Variants in GLI3 observed in about 807,000 individuals in gnomAD.
GLI3 encodes the protein GLI family zinc finger 3.
GLI3 carries 20 observed loss-of-function variants against 100.8 expected under a neutral mutation model. The ratio of observed to expected loss-of-function variants is 0.20; its 90% CI spans 0.14 to 0.29. The LOEUF (loss-of-function observed/expected upper bound fraction) is 0.29, where lower values mean the gene tolerates loss of function less well. Among genes scored for constraint, GLI3 ranks in the 10% least tolerant of loss-of-function variants. GLI3 has a pLI of 1.00. For synonymous variants in GLI3, 938 were observed against 860.5 expected (o/e 1.09, Z -1.58); for missense variants, 2,040 against 2,128.5 (o/e 0.96, Z 0.82).
chr7:42,063,962 T>C (rs1045217875), intron 4 of GLI3, among the ~76,000 whole-genome samples: 1 of 152,214 alleles, frequency 6.6e-6, no homozygotes, highest in African/African-American at 2.4e-5. Context: ...TTATTGAGGC[T>C]TTTAATAGAA....
chr7:42,182,683 C>CATGTGTGTGTATATATATATATATATAT (rs1562775922), intron 2 of GLI3, among the ~76,000 whole-genome samples: 2,049 of 54,658 alleles, frequency 0.037, 88 homozygotes, highest in South Asian at 0.046. Context: ...TATATATATA[C>CATGTGTGTGTATATATATATATATATAT]ACATGTGTGT....
rs73688616 is a variant in GLI3, at chr7:42,006,610, A to G, written c.1497+16858T>C. Among the ~76,000 whole-genome samples, 833 of 152,328 alleles carry G rather than the reference A, an allele frequency of 5.5e-3. 11 individuals carry two copies. The highest frequency in any genetic ancestry group is 0.018 in the African/African-American group (767 of 41,576). On this transcript the variant is annotated intron_variant, in intron 10 of 14. Coordinates refer to ENST00000395925, the MANE Select transcript of GLI3 (RefSeq NM_000168.6). ...GATATCCTATCAGGGGACAGGCCCA[A>G]AAGGCTCTGACAAGGACTACAACTC...
At chr7:42,005,747 T>A (rs1788443124) in intron 10 of GLI3, among the ~76,000 whole-genome samples, 1 of 152,200 alleles carries the variant, frequency 6.6e-6, no homozygotes, top group Non-Finnish European at 1.5e-5. Flanking sequence ...ATTATTTTAC[T>A]ATCTCTCTAA....
chr7:41,994,823 C>T (rs1431423717), intron 10 of GLI3, among the ~76,000 whole-genome samples: 5 of 152,162 alleles, frequency 3.3e-5, no homozygotes, highest in African/African-American at 1.2e-4. Context: ...GTGTATATTG[C>T]ATAATCATTC....
chr7:42,258,118 G>C (rs1401467930), intron 1 of GLI3, among the ~76,000 whole-genome samples: 1 of 152,164 alleles, frequency 6.6e-6, no homozygotes, highest in East Asian at 1.9e-4. Context: ...TGTGATTAAT[G>C]TGCGTCTCTC....
chr7:42,204,953 C>G (rs1788119774), intron 2 of GLI3, among the ~76,000 whole-genome samples: 1 of 152,104 alleles, frequency 6.6e-6, no homozygotes, highest in South Asian at 2.1e-4. Context: ...AAAGGCCAAC[C>G]AAACGCTGCA....
chr7:42,078,100 T>C (rs990434626), intron 3 of GLI3, among the ~76,000 whole-genome samples: 6 of 152,184 alleles, frequency 3.9e-5, no homozygotes, highest in African/African-American at 1.4e-4. Context: ...CAGGTTCTGA[T>C]CGACCACCTA....
chr7:42,263,370 G>A (rs1040610954), intron 1 of GLI3, among the ~76,000 whole-genome samples: 45 of 152,192 alleles, frequency 3.0e-4, no homozygotes, highest in African/African-American at 9.9e-4. Flanking sequence ...AGGGTTGAAA[G>A]ACACTGTGGG....
At chr7:41,999,219 A>G (rs1003551676) in intron 10 of GLI3, among the ~76,000 whole-genome samples, 4 of 152,276 alleles carry the variant, frequency 2.6e-5, no homozygotes, top group Middle Eastern at 6.8e-3. Context: ...AACATGGGGG[A>G]AAAATGAAAG....
chr7:42,166,650 CTTTTTTTTTTTTTTT>C (rs1203814510), intron 2 of GLI3, among the ~76,000 whole-genome samples: 1 of 80,246 alleles, frequency 1.2e-5, no homozygotes, highest in Non-Finnish European at 2.2e-5. Context: ...GTTCTGATTC[CTTTTTTTTTTTTTTT>C]TTTTTTTTTT....
At chr7:42,193,874 T>G (rs2128689466) in intron 2 of GLI3, among the ~76,000 whole-genome samples, 1 of 152,310 alleles carries the variant, frequency 6.6e-6, no homozygotes, top group Admixed American at 6.5e-5. Flanking sequence ...TAAGGAATGT[T>G]AGCATGTTCC....
Position 42,172,659 on chromosome 7 carries a change from C to T in GLI3, c.125-24191G>A, listed in dbSNP as rs73327534. 2.1e-3 allele frequency: 1,471 copies of T among 702,632 alleles called. 11 individuals carry two copies. In the African/African-American group the frequency reaches 0.022, roughly 10 times the overall value. 43.5% of individuals were successfully genotyped at this position (702,632 alleles called of 1,614,324 possible). A position where few individuals can be genotyped will look rare whatever the true frequency, so the allele number is the denominator to read the frequency against. ...GATGCATCCAATCCTCCTGGTCCAG[C>T]CTCTGGCCTGGGCCTCCAAATGGTT... On this transcript the variant is annotated intron_variant, in intron 2 of 14. Coordinates refer to ENST00000395925, the MANE Select transcript of GLI3 (RefSeq NM_000168.6).
At chr7:42,256,618 T>TG (rs1789087668) in intron 1 of GLI3, among the ~76,000 whole-genome samples, 6 of 152,326 alleles carry the variant, frequency 3.9e-5, no homozygotes, top group Non-Finnish European at 8.8e-5. Flanking sequence ...TTCTGGACTA[T>TG]CAAGTGTATT....
At chr7:42,237,337 T>C (rs767077209), upstream of GLI3, among the ~76,000 whole-genome samples, 8 of 151,954 alleles carry the variant, frequency 5.3e-5, no homozygotes, top group Non-Finnish European at 1.0e-4. Context: ...CTGATTTGGT[T>C]CAACCGCGGG....
At chr7:42,085,935 T>C (rs147139172) in intron 3 of GLI3, among the ~76,000 whole-genome samples, 2 of 152,312 alleles carry the variant, frequency 1.3e-5, no homozygotes, top group East Asian at 1.9e-4. Flanking sequence ...GGCAACTTTG[T>C]AGCAATTAAG....
intron 3 of GLI3, among the ~76,000 whole-genome samples, chr7:42,112,502 G>A (rs1367618187): frequency 6.6e-6 from 1 of 152,074 alleles, no homozygotes; most frequent in African/African-American, 2.4e-5. Context: ...ACAAAGAAAT[G>A]ATAAATACTT....
intron 2 of GLI3, among the ~76,000 whole-genome samples, chr7:42,213,500 C>T (rs559960864): frequency 6.6e-6 from 1 of 152,084 alleles, no homozygotes; most frequent in Non-Finnish European, 1.5e-5. Flanking sequence ...TCAATGATTT[C>T]ATTAATAAGA....
At chr7:42,132,183 C>G (rs901117389) in intron 3 of GLI3, among the ~76,000 whole-genome samples, 1 of 152,042 alleles carries the variant, frequency 6.6e-6, no homozygotes, top group Admixed American at 6.6e-5. Flanking sequence ...TCACTGCAAG[C>G]TCCGCCTCCT....
chr7:42,124,361 G>A (rs752875310), intron 3 of GLI3, among the ~76,000 whole-genome samples: 1 of 152,198 alleles, frequency 6.6e-6, no homozygotes, highest in Non-Finnish European at 1.5e-5. Flanking sequence ...TGCAGAAAAT[G>A]TGGACGACAC....
Sources: gnomAD v4.1 joint callset for allele counts (sites outside exome capture counted in the v4.1 genomes callset) on GRCh38, gnomAD v4.1.1 for gene constraint, MANE v1.5 for transcripts, NCBI Gene and HGNC (gene_info 2026-07-23, HGNC 2026-07-21) for gene names.